Variants in RORA observed in about 807,000 individuals in gnomAD.
RORA encodes the protein RAR related orphan receptor A, also known as nuclear receptor ROR-alpha.
RORA carries 7 observed loss-of-function variants against 69.5 expected under a neutral mutation model. That is an observed-to-expected ratio of 0.10 (90% CI 0.06 to 0.19). The LOEUF is 0.19. Ranked by LOEUF, RORA falls within the 10% of genes least tolerant of loss-of-function variation. RORA has a pLI of 1.00. For synonymous variants in RORA, 261 were observed against 240.8 expected (o/e 1.08, Z -0.78); for missense variants, 457 against 663.0 (o/e 0.69, Z 3.41).
intron 2 of RORA, among the ~76,000 whole-genome samples, chr15:60,597,585 T>TATATATATATATAA: frequency 4.5e-5 from 1 of 22,142 alleles, no homozygotes. Context: ...CACATATATA[T>TATATATATATATAA]ATATATATAC....
intron 1 of RORA, among the ~76,000 whole-genome samples, chr15:60,938,727 C>G (rs577332016): frequency 1.8e-5 from 2 of 112,882 alleles, no homozygotes; most frequent in Non-Finnish European, 3.5e-5. Context: ...ACAGTGAGAC[C>G]TCATCTAAAA....
chr15:61,185,511 C>G (rs1424050118), intron 1 of RORA, among the ~76,000 whole-genome samples: 1 of 152,196 alleles, frequency 6.6e-6, no homozygotes, highest in East Asian at 1.9e-4. Flanking sequence ...ATTGGCAAAA[C>G]CTTAGGATAG....
intron 1 of RORA, among the ~76,000 whole-genome samples, chr15:60,973,670 C>T (rs796997516): frequency 4.7e-4 from 71 of 152,328 alleles, no homozygotes; most frequent in African/African-American, 1.7e-3. Flanking sequence ...GCCCTCACGA[C>T]CCTTGTAGCC....
intron 1 of RORA, among the ~76,000 whole-genome samples, chr15:61,025,312 C>T (rs1895750005): frequency 6.6e-6 from 1 of 152,182 alleles, no homozygotes; most frequent in African/African-American, 2.4e-5. Context: ...TGTGAAAACG[C>T]CTCTCCTGAG....
chr15:61,137,016 TAAAAAAGA>T (rs2079246392), intron 1 of RORA, among the ~76,000 whole-genome samples: 1 of 49,886 alleles, frequency 2.0e-5, no homozygotes, highest in Non-Finnish European at 4.5e-5. Context: ...AAAAAATAAA[TAAAAAAGA>T]AAGAAAGAAA....
At chr15:60,544,482 G>T (rs952452905) in intron 2 of RORA, among the ~76,000 whole-genome samples, 13 of 151,830 alleles carry the variant, frequency 8.6e-5, no homozygotes, top group South Asian at 2.1e-4. Context: ...GCTTTTTTTT[G>T]TTGTTGTTGT....
At chr15:60,912,004 C>T (rs1891738482) in intron 1 of RORA, among the ~76,000 whole-genome samples, 1 of 152,040 alleles carries the variant, frequency 6.6e-6, no homozygotes, top group South Asian at 2.1e-4. Context: ...GCCACCACAA[C>T]CTGCCCAGTA....
At chr15:60,745,825 G>A (rs2071639702) in intron 1 of RORA, among the ~76,000 whole-genome samples, 1 of 152,184 alleles carries the variant, frequency 6.6e-6, no homozygotes, top group African/African-American at 2.4e-5. Flanking sequence ...TGATGCTGCT[G>A]ATTTGGAGAT....
intron 1 of RORA, among the ~76,000 whole-genome samples, chr15:60,961,741 C>A (rs965396983): frequency 6.6e-6 from 1 of 152,194 alleles, no homozygotes; most frequent in Non-Finnish European, 1.5e-5. Flanking sequence ...GCACTGAGAA[C>A]CGCCAGCTCA....
At chr15:60,838,575 A>G (rs967867875) in intron 1 of RORA, among the ~76,000 whole-genome samples, 2 of 152,182 alleles carry the variant, frequency 1.3e-5, no homozygotes, top group African/African-American at 4.8e-5. Flanking sequence ...TTCTTTAGAA[A>G]AAAAAGTGGC....
chr15:61,131,931 G>T lies in RORA; in HGVS notation c.166+97122C>A, dbSNP rs1299228484. Among the ~76,000 whole-genome samples, 1 of 152,360 alleles carries T rather than the reference G, an allele frequency of 6.6e-6. No individual in the cohort carries two copies. The highest frequency in any genetic ancestry group is 2.1e-4 in the South Asian group (1 of 4,830). The stretch of plus-strand genomic sequence containing the variant: ...AAACAGCACTGAATTGGAACTGGGG[G>T]TAGATGCTGTAACCCTGATTACTAG... On this transcript the variant is annotated intron_variant, in intron 1 of 10. Coordinates refer to ENST00000335670, the MANE Select transcript of RORA (RefSeq NM_134261.3). The surrounding 1 kb of genome is among the most constrained non-coding windows in gnomAD (Gnocchi z 4.2).
intron 2 of RORA, among the ~76,000 whole-genome samples, chr15:60,677,713 G>A (rs1596118088): frequency 6.6e-6 from 1 of 151,536 alleles, no homozygotes; most frequent in South Asian, 2.1e-4. Context: ...TCCCCCAAAC[G>A]TTTCACATGA....
Position 60,534,437 on chromosome 15 carries a change from G to A in RORA, c.197-2586C>T, listed in dbSNP as rs1465824016. 6.6e-6 allele frequency among the ~76,000 whole-genome samples: 1 copy of A among 152,126 alleles called. No homozygotes were observed. Among genetic ancestry groups the A allele is most frequent in the Non-Finnish European group, 1.5e-5 (1 of 68,020 alleles). ...GGAGACAGTCACGAGATCTGTGGAG[G>A]CCAAGACGCTTAGGATAAATGGACT... On this transcript the variant is annotated intron_variant, in intron 2 of 10. Transcript: ENST00000335670. This position sits in a 1 kb window ranked among gnomAD's most constrained non-coding sequence, Gnocchi z 5.0.
chr15:60,879,070 T>C (rs1416936963), intron 1 of RORA, among the ~76,000 whole-genome samples: 9 of 152,200 alleles, frequency 5.9e-5, no homozygotes. Context: ...CTTGGTCTTC[T>C]TGGCTCCCAA....
intron 1 of RORA, among the ~76,000 whole-genome samples, chr15:60,856,270 T>C (rs1312541177): frequency 2.0e-5 from 3 of 152,226 alleles, no homozygotes; most frequent in Non-Finnish European, 4.4e-5. Flanking sequence ...AACGTTTTGC[T>C]TCTGAAGGTG....
chr15:61,014,851 C>T (rs561876645), intron 1 of RORA, among the ~76,000 whole-genome samples: 203 of 152,278 alleles, frequency 1.3e-3, no homozygotes, highest in Non-Finnish European at 1.5e-3. Flanking sequence ...AGGGAACCTG[C>T]GACTTTCCTC....
intron 1 of RORA, among the ~76,000 whole-genome samples, chr15:61,044,634 A>G (rs916853499): frequency 6.6e-6 from 1 of 152,240 alleles, no homozygotes; most frequent in Non-Finnish European, 1.5e-5. Context: ...TTCTTAAAAA[A>G]CATGGTCACA....
At chr15:60,780,397 A>T (rs2072236291) in intron 1 of RORA, among the ~76,000 whole-genome samples, 1 of 152,194 alleles carries the variant, frequency 6.6e-6, no homozygotes, top group Non-Finnish European at 1.5e-5. Context: ...GACAGTGAAC[A>T]TCCGCATGTA....
At chr15:60,789,007 C>G (rs988695152) in intron 1 of RORA, among the ~76,000 whole-genome samples, 2 of 152,140 alleles carry the variant, frequency 1.3e-5, no homozygotes, top group East Asian at 3.8e-4. Context: ...GGCTGCGAAG[C>G]AAATAAGCAG....
Sources: gnomAD v4.1 joint callset for allele counts (sites outside exome capture counted in the v4.1 genomes callset) on GRCh38, gnomAD v4.1.1 for gene constraint, Gnocchi (gnomAD v3.1) non-coding constraint, MANE v1.5 for transcripts, NCBI Gene and HGNC (gene_info 2026-07-23, HGNC 2026-07-21) for gene names.